Variants in MGAM2 observed in about 807,000 individuals in gnomAD.
MGAM2 encodes probable maltase-glucoamylase 2.
A neutral mutation model predicts 96.1 loss-of-function variants in MGAM2; 98 were observed. The ratio of observed to expected loss-of-function variants is 1.02; its 90% CI spans 0.87 to 1.21. The LOEUF (loss-of-function observed/expected upper bound fraction) is 1.21, where lower values mean the gene tolerates loss of function less well. Among genes scored for constraint, MGAM2 ranks in the 50% most tolerant of loss-of-function variants. The pLI is 0.00. For synonymous variants in MGAM2, 749 were observed against 414.8 expected, an observed-to-expected ratio of 1.81 and a Z score of -9.79; for missense variants, 2,055 against 1,182.4, an observed-to-expected ratio of 1.74 and a Z score of -10.82.
At chr7:142,189,105 G>A (rs1796791340) in intron 36 of MGAM2, among the ~76,000 whole-genome samples, 1 of 152,126 alleles carries the variant, frequency 6.6e-6, no homozygotes, top group Non-Finnish European at 1.5e-5. Flanking sequence ...TGGCAAAAGG[G>A]CTATGACAAC....
At chr7:142,207,583 G>A (rs956719158) in intron 45 of MGAM2, among the ~76,000 whole-genome samples, 1 of 151,688 alleles carries the variant, frequency 6.6e-6, no homozygotes, top group Non-Finnish European at 1.5e-5. Flanking sequence ...CCACCACCAC[G>A]CCCGGCTAAT....
At chr7:142,187,356 C>T (rs928640268) in intron 35 of MGAM2, among the ~76,000 whole-genome samples, 1 of 152,172 alleles carries the variant, frequency 6.6e-6, no homozygotes, top group African/African-American at 2.4e-5. Flanking sequence ...GTGAATAATC[C>T]ATGCGTAGTA....
intron 15 of MGAM2, among the ~76,000 whole-genome samples, chr7:142,149,763 C>G (rs113063186): frequency 0.24 from 36,112 of 151,576 alleles, 4,979 homozygotes; most frequent in East Asian, 0.41. Flanking sequence ...GGATGGTCTC[C>G]ATCTCCTGAC....
rs1038287443 is a variant in MGAM2 at position 142,161,266 on chromosome 7, A to G, written c.2434+53A>G. The G allele has an allele frequency of 2.4e-5, 17 of 696,774 alleles. No individual in the cohort carries two copies. The African/African-American group carries it at 2.5e-4, about 10-fold the overall frequency. The allele number at this position is 696,774 out of a possible 1,614,324, so 43.2% of individuals were successfully genotyped here. A position where few individuals can be genotyped will look rare whatever the true frequency, so the allele number is the denominator to read the frequency against. On this transcript the variant is annotated intron_variant, in intron 22 of 47. Transcript: ENST00000477922. ...TGGATCACTGTGGTTCTCCCTGAAA[A>G]TTAGTCATCATAGGCTGCCCAATAT...
chr7:142,165,135 G>A, intron 24 of MGAM2, 112 bp downstream of exon 24: 1 of 534,804 alleles, frequency 1.9e-6, no homozygotes, highest in Non-Finnish European at 3.3e-6. Context: ...CTTGCTGGGA[G>A]GTCCAACACA....
intron 1 of MGAM2, among the ~76,000 whole-genome samples, chr7:142,113,066 G>A (rs1278793349): frequency 6.6e-6 from 1 of 152,084 alleles, no homozygotes; most frequent in African/African-American, 2.4e-5. Context: ...AAAGGCTACT[G>A]TAATTAAAAA....
At chr7:142,210,618 G>A (rs1306620270) in intron 46 of MGAM2, among the ~76,000 whole-genome samples, 1 of 152,214 alleles carries the variant, frequency 6.6e-6, no homozygotes, top group African/African-American at 2.4e-5. Flanking sequence ...CAAAGCCGCT[G>A]TAGCAAGACT....
chr7:142,180,372 A>T (rs1193946307), intron 32 of MGAM2, among the ~76,000 whole-genome samples: 2 of 150,822 alleles, frequency 1.3e-5, no homozygotes, highest in African/African-American at 2.4e-5. Flanking sequence ...GATTATGATC[A>T]TTTATTTTCT....
At chr7:142,118,446 G>A (rs1035867805) in intron 2 of MGAM2, among the ~76,000 whole-genome samples, 2 of 152,094 alleles carry the variant, frequency 1.3e-5, no homozygotes, top group African/African-American at 4.8e-5. Flanking sequence ...GCTTTGTTTT[G>A]AATCAAAACG....
chr7:142,123,836 A>G (rs546499150), intron 3 of MGAM2, among the ~76,000 whole-genome samples: 3 of 151,978 alleles, frequency 2.0e-5, no homozygotes, highest in African/African-American at 7.2e-5. Context: ...ATTCTTGCCT[A>G]CTCCGAGGTC....
intron 32 of MGAM2, among the ~76,000 whole-genome samples, chr7:142,181,320 A>G (rs1424888634): frequency 6.6e-6 from 1 of 152,054 alleles, no homozygotes; most frequent in Non-Finnish European, 1.5e-5. Context: ...GCTCTTTAAG[A>G]GATATTTATC....
At chr7:142,194,743 T>G (rs780342115) in intron 37 of MGAM2, among the ~76,000 whole-genome samples, 33 of 151,958 alleles carry the variant, frequency 2.2e-4, no homozygotes, top group Middle Eastern at 6.8e-3. Context: ...TCCATTCATT[T>G]TTGGATTTGT....
At position 142,111,779 on chromosome 7, in the gene MGAM2, T is replaced by TA. The variant is rs1817178481; in HGVS notation, c.-28dup. The TA allele has an allele frequency of 6.6e-6, 1 of 152,168 alleles. No individual in the cohort carries two copies. Among genetic ancestry groups the TA allele is most frequent in the Non-Finnish European group, 1.5e-5 (1 of 68,030 alleles). 9.4% of individuals were successfully genotyped at this position (152,168 alleles called of 1,614,324 possible). ...TCCCTATGAATTGCTGAGGGAGAGA[T>TA]ACAGCATAGAAAAAAACAAGGTGAT... On this transcript the variant is annotated 5_prime_UTR_variant, in exon 1 of 48. Coordinates refer to ENST00000477922, the MANE Select transcript of MGAM2 (RefSeq NM_001293626.2).
Position 142,120,310 on chromosome 7 carries a change from T to C in MGAM2, c.115T>C (p.Phe39Leu). 1 of 703,104 alleles carries C rather than the reference T, an allele frequency of 1.4e-6. No homozygotes were observed. The highest frequency in any genetic ancestry group is 2.6e-6 in the Non-Finnish European group (1 of 384,974). 43.6% of individuals were successfully genotyped at this position (703,104 alleles called of 1,614,324 possible). A position where few individuals can be genotyped will look rare whatever the true frequency, so the allele number is the denominator to read the frequency against. ...CTTTAATTCCTATGCAGATACTTCA[T>C]TTACTCCAGAGTGCCCAGAGATTCC... ...LVLEETSDTSFTPECPEIPQS... is the reference protein window; with the variant it reads ...LVLEETSDTSLTPECPEIPQS... Residue 39 changes from phenylalanine to leucine, a missense_variant, in exon 3 of 48, where the codon TTT (phenylalanine) becomes CTT (leucine). By Grantham distance (22) the Phe-to-Leu change is conservative (BLOSUM62 0). Transcript: ENST00000477922.
chr7:142,123,249 C>G (rs1056692472), intron 3 of MGAM2, among the ~76,000 whole-genome samples: 1 of 150,612 alleles, frequency 6.6e-6, no homozygotes, highest in Non-Finnish European at 1.5e-5. Context: ...TTTTACAGCA[C>G]GATTCAAAAA....
chr7:142,156,851 T>C (rs1226080252), intron 17 of MGAM2, among the ~76,000 whole-genome samples: 8 of 152,216 alleles, frequency 5.3e-5, no homozygotes. Flanking sequence ...ATGACGTGTA[T>C]GTCTTTCACA....
At chr7:142,194,687 CATGTGTGTAT>C (rs796742673) in intron 37 of MGAM2, among the ~76,000 whole-genome samples, 3 of 118,230 alleles carry the variant, frequency 2.5e-5, no homozygotes, top group East Asian at 2.1e-4. Flanking sequence ...TTTAATAGAA[CATGTGTGTAT>C]GTGTGTGTGT....
In MGAM2 at chr7:142,195,272, A is replaced by G. The variant is rs1376771799; in HGVS notation, c.4347-882A>G. Among the ~76,000 whole-genome samples the G allele has an allele frequency of 2.7e-5, 4 of 149,932 alleles. No individual in the cohort carries two copies. In the East Asian group the frequency reaches 7.9e-4, roughly 30 times the overall value. On this transcript the variant is annotated intron_variant, in intron 37 of 47. Transcript: ENST00000477922. ...TGGTCTTGAACTTCTGGCCTCAAGC[A>G]GTCCTTCTGCCTTGGCCTCCCAAGG...
chr7:142,187,244 T>G, intron 35 of MGAM2, among the ~76,000 whole-genome samples: 1 of 152,228 alleles, frequency 6.6e-6, no homozygotes, highest in East Asian at 1.9e-4. Flanking sequence ...GTGAGATAAC[T>G]CTCCTTGTGT....
Sources: allele counts gnomAD v4.1 joint callset (sites outside exome capture counted in the v4.1 genomes callset), GRCh38; gene constraint gnomAD v4.1.1; transcripts MANE v1.5; gene names NCBI Gene and HGNC (gene_info 2026-07-23, HGNC 2026-07-21).